The following LAMA1 variants were observed in gnomAD, a reference collection of about 807,000 sequenced individuals.
LAMA1 encodes laminin subunit alpha 1.
A neutral mutation model predicts 348.7 loss-of-function variants in LAMA1; 219 were observed. The ratio of observed to expected loss-of-function variants is 0.63; its 90% CI spans 0.56 to 0.70. LAMA1 has a LOEUF of 0.70. Ranked by LOEUF, LAMA1 falls within the 30% of genes least tolerant of loss-of-function variation. The pLI, the probability that LAMA1 is intolerant of heterozygous loss-of-function variation, is 0.00. For missense variants in LAMA1, 3,744 were observed against 3,888.0 expected (o/e 0.96, Z 0.99); for synonymous variants, 1,487 against 1,491.0 (o/e 1.00, Z 0.06).
chr18:6,993,404 G>T (rs2057766980), intron 35 of LAMA1, among the ~76,000 whole-genome samples: 1 of 152,050 alleles, frequency 6.6e-6, no homozygotes, highest in Non-Finnish European at 1.5e-5. Context: ...TGAGAATTAG[G>T]ATCTAAGTTT....
intron 1 of LAMA1, among the ~76,000 whole-genome samples, chr18:7,089,966 T>C (rs1217949333): frequency 6.6e-6 from 1 of 152,162 alleles, no homozygotes; most frequent in Non-Finnish European, 1.5e-5. Flanking sequence ...AGGTGTGTTT[T>C]AAAATTAAGT....
At chr18:7,115,814 CAAAAAAA>C (rs557585224) in intron 1 of LAMA1, among the ~76,000 whole-genome samples, 2 of 94,840 alleles carry the variant, frequency 2.1e-5, no homozygotes, top group South Asian at 4.1e-4. Context: ...ACTAAAAATA[CAAAAAAA>C]AAAAAAAAAA....
intron 3 of LAMA1, among the ~76,000 whole-genome samples, chr18:7,062,925 G>A (rs1204147799): frequency 6.6e-6 from 1 of 152,128 alleles, no homozygotes; most frequent in African/African-American, 2.4e-5. Flanking sequence ...TTCTTCGCAT[G>A]CCTTATTATG....
intron 34 of LAMA1, among the ~76,000 whole-genome samples, 153 bp downstream of exon 34, chr18:6,995,204 C>A (rs1370053011): frequency 6.6e-6 from 1 of 152,140 alleles, no homozygotes; most frequent in African/African-American, 2.4e-5. Context: ...GGGTCAAAAC[C>A]AATTTGATGA....
At chr18:7,005,751 A>AAAT (rs1410188808) in intron 29 of LAMA1, among the ~76,000 whole-genome samples, 3 of 152,066 alleles carry the variant, frequency 2.0e-5, no homozygotes, top group Non-Finnish European at 4.4e-5. Context: ...ATCTTGAAAA[A>AAAT]AATAATAATA....
rs1224180001 is a variant in LAMA1, at chr18:7,080,391, T to G, written c.128A>C (p.Glu43Ala). ...AHISTNATCG[E>A]KGPEMFCKLV... is the part of the protein sequence containing the mutation. ...TTTGCAGAACATCTCCGGCCCCTTC[T>G]CGCCACAGGTGGCATTGGTGCTGAT... is the stretch of plus-strand genomic sequence containing the variant. Residue 43 changes from glutamate to alanine, a missense_variant, in exon 2 of 63, where the codon GAG (glutamate) becomes GCG (alanine). By Grantham distance (107) the Glu-to-Ala change is moderately radical. Coordinates refer to ENST00000389658, the MANE Select transcript of LAMA1 (RefSeq NM_005559.4). 2 of 1,614,254 alleles carry G rather than the reference T, an allele frequency of 1.2e-6. No individual in the cohort carries two copies. The highest frequency in any genetic ancestry group is 2.2e-5 in the South Asian group (2 of 91,088).
At chr18:6,954,312 G>C (rs562161571) in intron 57 of LAMA1, 4 of 152,490 alleles carry the variant, frequency 2.6e-5, no homozygotes, top group African/African-American at 7.2e-5. Flanking sequence ...GCAGGAGTGG[G>C]AGAGAGAAAG....
Position 7,026,043 on chromosome 18 carries a change from G to T in LAMA1, c.2338C>A (p.Pro780Thr). 6.2e-7 allele frequency: 1 copy of T among 1,610,050 alleles called. No homozygotes were observed. The highest frequency in any genetic ancestry group is 8.5e-7 in the Non-Finnish European group (1 of 1,177,992). Residue 780 changes from proline to threonine, a missense_variant, in exon 17 of 63, where the codon CCT becomes ACT. Around this residue, in one of 3 missense-constraint regions of LAMA1, gnomAD observed 1,529 missense variants for 1,689.4 expected, o/e 0.91. Transcript: ENST00000389658. ...EQCLPGFYGE[P>T]SRGTPGDCQP... ...CAGTCCCCAGGTGTCCCTCGGGAAG[G>T]CTCCCCGTAGAAGCCGGGCAAGCAC... is the stretch of plus-strand genomic sequence containing the variant.
chr18:6,982,125 G>A (rs1472105199), intron 41 of LAMA1, among the ~76,000 whole-genome samples: 1 of 152,074 alleles, frequency 6.6e-6, no homozygotes, highest in African/African-American at 2.4e-5. Flanking sequence ...GAAATATCAA[G>A]CATAATACAT....
chr18:7,023,525 T>G, intron 18 of LAMA1, 150 bp from the exon 19 acceptor site: 1 of 725,332 alleles, frequency 1.4e-6, no homozygotes, highest in Non-Finnish European at 2.4e-6. Flanking sequence ...CACTCGGGCA[T>G]TCCCAGATCT....
Position 7,037,720 on chromosome 18 carries a change from T to C in LAMA1, c.1595A>G (p.Asp532Gly). ...CGGGATCTTCCTGGGACTGATCAAG[T>C]CGGTGACCAGCCACCCGGACATACT... ...VNSMSGWLVT[D>G]LISPRKIPSQ... Residue 532 changes from aspartate (D) to glycine (G), a missense_variant, in exon 12 of 63, where the codon GAC becomes GGC. Physicochemically the swap from Asp to Gly is moderately conservative, Grantham distance 94. This residue lies in a region of LAMA1 where 1,529 missense variants were observed against 1,689.4 expected (regional missense o/e 0.91). Coordinates refer to ENST00000389658, the MANE Select transcript of LAMA1 (RefSeq NM_005559.4). The C allele has an allele frequency of 6.2e-7, 1 of 1,614,198 alleles. No individual in the cohort carries two copies.
At chr18:6,984,395 A>C (rs1432926226) in intron 39 of LAMA1, among the ~76,000 whole-genome samples, 1 of 152,210 alleles carries the variant, frequency 6.6e-6, no homozygotes, top group East Asian at 1.9e-4. Flanking sequence ...AAAGAAAGAA[A>C]TTTACCAATT....
At chr18:6,994,578 G>C (rs1443621681) in intron 34 of LAMA1, among the ~76,000 whole-genome samples, 1 of 151,950 alleles carries the variant, frequency 6.6e-6, no homozygotes. Context: ...ATTAACAGGA[G>C]CCAAACTATA....
chr18:6,946,592 G>A (rs1249259588), intron 61 of LAMA1, among the ~76,000 whole-genome samples: 3 of 152,198 alleles, frequency 2.0e-5, no homozygotes, highest in East Asian at 3.9e-4. Flanking sequence ...GGTGGTGCAC[G>A]CCTGTAATCC....
chr18:7,009,599 C>T (rs2144112437), intron 26 of LAMA1, among the ~76,000 whole-genome samples: 1 of 152,202 alleles, frequency 6.6e-6, no homozygotes, highest in Non-Finnish European at 1.5e-5. Context: ...CAGCAAACAT[C>T]CAGTAAACAT....
chr18:6,980,603 C>A lies in LAMA1; in HGVS notation c.5925G>T (p.Lys1975Asn). 3 of 1,613,058 alleles carry A rather than the reference C, an allele frequency of 1.9e-6. No individual in the cohort carries two copies. The highest frequency in any genetic ancestry group is 2.5e-6 in the Non-Finnish European group (3 of 1,179,196). The change falls in exon 42 of 63, where the codon AAG (lysine) becomes AAT (asparagine). Residue 1975 changes from lysine (K) to asparagine (N), a missense_variant. Lys to Asn is a moderately conservative substitution (Grantham distance 94). Around this residue, in one of 3 missense-constraint regions of LAMA1, gnomAD observed 1,983 missense variants for 1,934.3 expected, o/e 1.03. Transcript: ENST00000389658. ...IALELSELRN[K>N]TNRFQENAVE... ...CAGCATTCTCTTGAAATCTGTTTGT[C>A]TTATTTCTCAATTCACTCAGTTCCA... is the stretch of plus-strand genomic sequence containing the variant.
At chr18:7,113,076 C>G (rs1274811288) in intron 1 of LAMA1, among the ~76,000 whole-genome samples, 2 of 152,218 alleles carry the variant, frequency 1.3e-5, no homozygotes, top group Non-Finnish European at 2.9e-5. Flanking sequence ...CTGCCCTTGA[C>G]AAGGCCGAGA....
intron 22 of LAMA1, 103 bp downstream of exon 22, chr18:7,015,619 A>G (rs1435550696): frequency 1.8e-5 from 24 of 1,346,708 alleles, no homozygotes; most frequent in Non-Finnish European, 2.5e-5. Flanking sequence ...TCACAAAGCT[A>G]TTCAACAGAT....
intron 33 of LAMA1, 86 bp from the exon 34 acceptor site, chr18:6,995,532 G>C: frequency 2.5e-6 from 2 of 786,758 alleles, no homozygotes; most frequent in African/African-American, 1.7e-5. Flanking sequence ...TTTCTTTTTT[G>C]TTCACAGAAA....
Sources: allele counts gnomAD v4.1 joint callset (sites outside exome capture counted in the v4.1 genomes callset), GRCh38; gene constraint gnomAD v4.1.1; regional missense constraint gnomAD v4.1.1; transcripts MANE v1.5; gene names NCBI Gene and HGNC (gene_info 2026-07-23, HGNC 2026-07-21).